The following ATP8A2 variants were observed in gnomAD, a reference collection of about 807,000 sequenced individuals.
ATP8A2 encodes the protein phospholipid-transporting ATPase IB.
Under a neutral mutation model 165.6 loss-of-function variants are expected in ATP8A2, and 100 were observed. The observed-to-expected ratio is 0.60, with a 90% CI of 0.51 to 0.71. ATP8A2 has a LOEUF of 0.71. Among genes scored for constraint, ATP8A2 ranks in the 30% least tolerant of loss-of-function variants. The pLI is 0.00. For synonymous variants in ATP8A2, 543 were observed against 548.8 expected (o/e 0.99, Z 0.15); for missense variants, 1,227 against 1,479.5 (o/e 0.83, Z 2.80).
At chr13:25,652,624 G>A (rs1255472226) in intron 24 of ATP8A2, among the ~76,000 whole-genome samples, 2 of 152,106 alleles carry the variant, frequency 1.3e-5, no homozygotes, top group Non-Finnish European at 2.9e-5. Flanking sequence ...TTGTTGTTAA[G>A]ATAATTTCTT....
chr13:25,832,936 A>G (rs915224836), intron 28 of ATP8A2, among the ~76,000 whole-genome samples: 4 of 152,056 alleles, frequency 2.6e-5, no homozygotes, highest in Non-Finnish European at 5.9e-5. Context: ...ATGTTCATAT[A>G]TGATTGTGTA....
At chr13:25,419,640 T>C (rs928129114) in intron 1 of ATP8A2, among the ~76,000 whole-genome samples, 3 of 128,660 alleles carry the variant, frequency 2.3e-5, no homozygotes, top group Non-Finnish European at 5.4e-5. Flanking sequence ...GTGAGGTTTT[T>C]ATTTGTTCTC....
At chr13:26,010,424 T>G (rs1186837478) in intron 35 of ATP8A2, among the ~76,000 whole-genome samples, 1 of 152,196 alleles carries the variant, frequency 6.6e-6, no homozygotes, top group Admixed American at 6.5e-5. Flanking sequence ...GAAAATAATG[T>G]GTCAGTTGCC....
rs138232512 is a variant in ATP8A2, at chr13:25,632,742, C to T, written c.2211+43043C>T. ...TCTGTGGGCCAGTCCCCTGGGAGTA[C>T]CTTTAATTTGGTAGAGATTCAGAGG... On this transcript the variant is annotated intron_variant, in intron 24 of 36. Coordinates refer to ENST00000381655, the MANE Select transcript of ATP8A2 (RefSeq NM_016529.6). 3.6e-3 allele frequency among the ~76,000 whole-genome samples: 553 copies of T among 152,168 alleles called. 4 individuals carry two copies. Among genetic ancestry groups the T allele is most frequent in the Middle Eastern group, 0.02 (6 of 294 alleles).
At chr13:25,504,698 C>T (rs1452329608) in intron 2 of ATP8A2, among the ~76,000 whole-genome samples, 1 of 144,336 alleles carries the variant, frequency 6.9e-6, no homozygotes, top group African/African-American at 2.6e-5. Context: ...CGAGATTGCG[C>T]CACTGCAGTC....
intron 29 of ATP8A2, 117 bp from the exon 30 acceptor site, chr13:25,839,429 C>A: frequency 4.6e-6 from 3 of 652,020 alleles, no homozygotes; most frequent in Non-Finnish European, 8.3e-6. Context: ...TAATATGCTA[C>A]TCCTGGAACC....
intron 2 of ATP8A2, among the ~76,000 whole-genome samples, chr13:25,521,121 C>T (rs7985444): frequency 0.5 from 75,752 of 152,044 alleles, 19,955 homozygotes; most frequent in Non-Finnish European, 0.59. Context: ...GAATTAGTTA[C>T]GTTGAGCATT....
At chr13:25,995,775 T>G (rs1211399046) in intron 35 of ATP8A2, among the ~76,000 whole-genome samples, 2 of 152,122 alleles carry the variant, frequency 1.3e-5, no homozygotes, top group Non-Finnish European at 2.9e-5. Context: ...AGGTAGAGTG[T>G]GGCATGAATA....
intron 25 of ATP8A2, among the ~76,000 whole-genome samples, chr13:25,744,161 C>G (rs2043977141): frequency 6.6e-6 from 1 of 152,100 alleles, no homozygotes; most frequent in South Asian, 2.1e-4. Flanking sequence ...TTGGCAATTG[C>G]CCGATTCTTT....
chr13:25,645,591 C>G (rs2041651621), intron 24 of ATP8A2, among the ~76,000 whole-genome samples: 1 of 152,062 alleles, frequency 6.6e-6, no homozygotes, highest in Non-Finnish European at 1.5e-5. Flanking sequence ...TTGCTGCATC[C>G]CATGAGCTTT....
intron 36 of ATP8A2, among the ~76,000 whole-genome samples, chr13:26,017,127 G>A (rs1956994550): frequency 6.6e-6 from 1 of 151,578 alleles, no homozygotes; most frequent in Non-Finnish European, 1.5e-5. Context: ...CTTCCCACCG[G>A]AAGAGTTTAT....
At chr13:25,801,000 G>C (rs145414340) in intron 27 of ATP8A2, among the ~76,000 whole-genome samples, 1,703 of 152,264 alleles carry the variant, frequency 0.011, 39 homozygotes, top group African/African-American at 0.039. Context: ...CCAGGCAGCC[G>C]TGGAAACTGA....
At chr13:25,847,174 C>T (rs565267148) in intron 30 of ATP8A2, among the ~76,000 whole-genome samples, 1 of 152,262 alleles carries the variant, frequency 6.6e-6, no homozygotes, top group South Asian at 2.1e-4. Flanking sequence ...GAACTTGCTC[C>T]CTAAGACCTA....
intron 1 of ATP8A2, among the ~76,000 whole-genome samples, chr13:25,422,289 C>A (rs1219343088): frequency 6.6e-6 from 1 of 152,150 alleles, no homozygotes; most frequent in Non-Finnish European, 1.5e-5. Flanking sequence ...CAAGCATTTG[C>A]TTAATAGACT....
intron 33 of ATP8A2, among the ~76,000 whole-genome samples, chr13:25,893,319 T>C (rs1184228926): frequency 6.6e-6 from 1 of 150,442 alleles, no homozygotes; most frequent in Non-Finnish European, 1.5e-5. Flanking sequence ...TTTGTCCTTG[T>C]GGTAGTTTGC....
At chr13:25,609,539 T>TCAAATATATATATATATATTTGGATC (rs2040608504) in intron 24 of ATP8A2, among the ~76,000 whole-genome samples, 3 of 139,130 alleles carry the variant, frequency 2.2e-5, no homozygotes, top group African/African-American at 5.2e-5. Flanking sequence ...TATTTGGGAT[T>TCAAATATATATATATATATTTGGATC]CAAATATATA....
intron 33 of ATP8A2, among the ~76,000 whole-genome samples, chr13:25,872,608 C>G (rs1409473235): frequency 6.6e-6 from 1 of 152,062 alleles, no homozygotes; most frequent in Non-Finnish European, 1.5e-5. Flanking sequence ...TGGGTAGAAG[C>G]GAATTGTTTG....
At chr13:25,832,742 A>C (rs889780490) in intron 28 of ATP8A2, among the ~76,000 whole-genome samples, 1 of 152,212 alleles carries the variant, frequency 6.6e-6, no homozygotes, top group Non-Finnish European at 1.5e-5. Context: ...CATGCTGCCC[A>C]AAATGGTAAA....
chr13:25,392,438 T>C (rs541692536), intron 1 of ATP8A2, among the ~76,000 whole-genome samples: 1 of 152,302 alleles, frequency 6.6e-6, no homozygotes, highest in South Asian at 2.1e-4. Context: ...ACCTCTTCCC[T>C]CTCCACTGTT....
Sources: allele counts gnomAD v4.1 joint callset (sites outside exome capture counted in the v4.1 genomes callset), GRCh38; gene constraint gnomAD v4.1.1; transcripts MANE v1.5; gene names NCBI Gene and HGNC (gene_info 2026-07-23, HGNC 2026-07-21).